The following TUSC3 variants were observed in gnomAD, a reference collection of about 807,000 sequenced individuals.
The protein encoded by TUSC3 is dolichyl-diphosphooligosaccharide--protein glycosyltransferase subunit TUSC3.
A neutral mutation model predicts 44.8 loss-of-function variants in TUSC3; 45 were observed. That is an observed-to-expected ratio of 1.00 (90% confidence interval 0.79 to 1.29). The LOEUF (loss-of-function observed/expected upper bound fraction) is 1.29, where lower values mean the gene tolerates loss of function less well. Ranked by LOEUF, TUSC3 falls within the 50% of genes most tolerant of loss-of-function variation. The pLI, the probability that TUSC3 is intolerant of heterozygous loss-of-function variation, is 0.00. For synonymous variants in TUSC3, 212 were observed against 152.9 expected, an observed-to-expected ratio of 1.39 and a Z score of -2.85; for missense variants, 519 against 437.9, an observed-to-expected ratio of 1.19 and a Z score of -1.65.
At chr8:15,697,272 A>G (rs991117392) in intron 6 of TUSC3, among the ~76,000 whole-genome samples, 2 of 151,944 alleles carry the variant, frequency 1.3e-5, no homozygotes, top group African/African-American at 4.8e-5. Flanking sequence ...TTTTGTTTCA[A>G]TTTCATTTAG....
chr8:15,455,244 C>T (rs1371425754), intron 1 of TUSC3, among the ~76,000 whole-genome samples: 2 of 152,130 alleles, frequency 1.3e-5, no homozygotes, highest in Non-Finnish European at 2.9e-5. Context: ...AACCCCAGGA[C>T]TGGTGGATCA....
chr8:15,601,293 T>C (rs1037654568), intron 1 of TUSC3, among the ~76,000 whole-genome samples: 3 of 151,692 alleles, frequency 2.0e-5, no homozygotes, highest in Admixed American at 6.6e-5. Flanking sequence ...CCCCGTTGCC[T>C]ATAAAAAACC....
chr8:15,472,272 C>G (rs1335436420), intron 1 of TUSC3, among the ~76,000 whole-genome samples: 2 of 152,124 alleles, frequency 1.3e-5, no homozygotes, highest in East Asian at 3.9e-4. Context: ...CAAATAATTT[C>G]TGTAATTTAA....
At chr8:15,605,633 G>A (rs1804488609) in intron 1 of TUSC3, among the ~76,000 whole-genome samples, 1 of 151,850 alleles carries the variant, frequency 6.6e-6, no homozygotes, top group African/African-American at 2.4e-5. Context: ...AAAAAAGTCT[G>A]TCAAGAGGGC....
intron 2 of TUSC3, among the ~76,000 whole-genome samples, chr8:15,531,025 T>C (rs1801441819): frequency 6.6e-6 from 1 of 152,114 alleles, no homozygotes; most frequent in African/African-American, 2.4e-5. Flanking sequence ...CAGGTCCGCA[T>C]GTGTATAACT....
chr8:15,676,186 A>T (rs1224338303), intron 6 of TUSC3, among the ~76,000 whole-genome samples: 1 of 152,170 alleles, frequency 6.6e-6, no homozygotes, highest in Admixed American at 6.6e-5. Context: ...ATGATTAGAA[A>T]TTAAATGTAT....
At chr8:15,741,576 A>G (rs867030858) in intron 7 of TUSC3, among the ~76,000 whole-genome samples, 2 of 152,168 alleles carry the variant, frequency 1.3e-5, no homozygotes, top group South Asian at 4.2e-4. Flanking sequence ...TCTTCCAGCC[A>G]CTCGAGACAC....
the TUSC3 span, among the ~76,000 whole-genome samples, chr8:15,773,268 G>C: frequency 6.6e-6 from 1 of 152,100 alleles, no homozygotes; most frequent in Non-Finnish European, 1.5e-5. Context: ...AAATTCACCA[G>C]AGTTGCAGGA....
At chr8:15,502,144 G>A (rs1433963222) in intron 2 of TUSC3, among the ~76,000 whole-genome samples, 1 of 152,178 alleles carries the variant, frequency 6.6e-6, no homozygotes, top group Non-Finnish European at 1.5e-5. Context: ...TGTTGACAGT[G>A]TAAACACTGT....
At chr8:15,482,607 C>T (rs1167795435) in intron 1 of TUSC3, among the ~76,000 whole-genome samples, 1 of 152,188 alleles carries the variant, frequency 6.6e-6, no homozygotes, top group Non-Finnish European at 1.5e-5. Flanking sequence ...ATGTTGTTTT[C>T]ATGCCTGCAA....
chr8:15,625,240 TTGCTAA>T (rs2129165467), intron 2 of TUSC3, among the ~76,000 whole-genome samples: 1 of 149,828 alleles, frequency 6.7e-6, no homozygotes, highest in Non-Finnish European at 1.5e-5. Context: ...TGGATTCAGT[TTGCTAA>T]TTTTTTTTTG....
intron 1 of TUSC3, among the ~76,000 whole-genome samples, chr8:15,603,490 C>T (rs1158658940): frequency 6.6e-6 from 1 of 151,490 alleles, no homozygotes; most frequent in Non-Finnish European, 1.5e-5. Context: ...GCGTATTTGA[C>T]AGTCTGGTGA....
intron 1 of TUSC3, among the ~76,000 whole-genome samples, chr8:15,444,281 C>T (rs549465037): frequency 6.6e-6 from 1 of 152,180 alleles, no homozygotes; most frequent in African/African-American, 2.4e-5. Flanking sequence ...TTGAAGCAGA[C>T]TCTATTCAAG....
chr8:15,649,009 G>A (rs1183048675), intron 2 of TUSC3, among the ~76,000 whole-genome samples: 3 of 152,030 alleles, frequency 2.0e-5, no homozygotes, highest in Admixed American at 2.0e-4. Flanking sequence ...AACAGGCTAG[G>A]TCGTTAGCTT....
intron 2 of TUSC3, among the ~76,000 whole-genome samples, chr8:15,650,055 A>G (rs1290521225): frequency 6.6e-6 from 1 of 152,216 alleles, no homozygotes. Flanking sequence ...ATATCTAATA[A>G]AAATGTGTTC....
intron 2 of TUSC3, among the ~76,000 whole-genome samples, chr8:15,631,695 TG>T (rs1805772194): frequency 2.0e-5 from 3 of 151,570 alleles, no homozygotes; most frequent in African/African-American, 4.8e-5. Flanking sequence ...TGTGTGTGTG[TG>T]TGTGTGTGTG....
intron 1 of TUSC3, among the ~76,000 whole-genome samples, chr8:15,604,723 T>A (rs1804444397): frequency 6.6e-6 from 1 of 151,862 alleles, no homozygotes. Context: ...CAGTCATTGA[T>A]ATTTATGGTA....
chr8:15,536,097 A>G (rs1403352502), upstream of TUSC3, among the ~76,000 whole-genome samples: 2 of 152,204 alleles, frequency 1.3e-5, no homozygotes, highest in African/African-American at 2.4e-5. Context: ...AATACAAAAG[A>G]TTGGACACCA....
chr8:15,738,691 A>G (rs368817011), intron 7 of TUSC3, among the ~76,000 whole-genome samples: 1 of 152,048 alleles, frequency 6.6e-6, no homozygotes, highest in Admixed American at 6.6e-5. Context: ...TACTGTTTTT[A>G]TCTTTCATTC....
Sources: allele counts gnomAD v4.1 joint callset (sites outside exome capture counted in the v4.1 genomes callset), GRCh38; gene constraint gnomAD v4.1.1; transcripts MANE v1.5; gene names NCBI Gene and HGNC (gene_info 2026-07-23, HGNC 2026-07-21).